Variants in HDLBP observed in about 807,000 individuals in gnomAD.
The protein encoded by HDLBP is vigilin.
Under a neutral mutation model 137.3 loss-of-function variants are expected in HDLBP, and 30 were observed. The ratio of observed to expected loss-of-function variants is 0.22; its 90% CI spans 0.16 to 0.30. HDLBP has a LOEUF of 0.30. Ranked by LOEUF, HDLBP falls within the 10% of genes least tolerant of loss-of-function variation. HDLBP has a pLI of 1.00. For synonymous variants in HDLBP, 606 were observed against 596.0 expected, an observed-to-expected ratio of 1.02 and a Z score of -0.24; for missense variants, 1,119 against 1,667.3, an observed-to-expected ratio of 0.67 and a Z score of 5.73.
chr2:241,282,268 T>C (rs142732477), intron 1 of HDLBP, among the ~76,000 whole-genome samples: 104 of 152,356 alleles, frequency 6.8e-4, no homozygotes, highest in Middle Eastern at 3.4e-3. Flanking sequence ...TCAATTTGTA[T>C]TTTAAAATGC....
intron 2 of HDLBP, chr2:241,267,464 G>A (rs553509493): frequency 1.2e-5 from 11 of 956,072 alleles, no homozygotes; most frequent in Admixed American, 4.0e-5. Flanking sequence ...CCGCAGGGGT[G>A]GGGGGACCAT....
At chr2:241,286,980 G>A (rs574417742) in intron 1 of HDLBP, among the ~76,000 whole-genome samples, 15 of 150,830 alleles carry the variant, frequency 9.9e-5, no homozygotes, top group Non-Finnish European at 2.2e-4. Flanking sequence ...GTAGAATCCA[G>A]CCAGTCCCAT....
chr2:241,255,624 G>A (rs765059569), intron 7 of HDLBP, 44 bp from the exon 8 acceptor site: 3 of 1,525,104 alleles, frequency 2.0e-6, no homozygotes, highest in South Asian at 2.2e-5. Context: ...GAAAGGTGTG[G>A]GAAGCGGGCA....
intron 9 of HDLBP, 31 bp from the exon 10 acceptor site, chr2:241,253,528 A>C: frequency 6.8e-7 from 1 of 1,468,822 alleles, no homozygotes; most frequent in Non-Finnish European, 9.5e-7. Flanking sequence ...AGATAGCTAA[A>C]ACAGAATGGC....
At chr2:241,295,703 T>C (rs1559551271) in intron 1 of HDLBP, among the ~76,000 whole-genome samples, 1 of 152,160 alleles carries the variant, frequency 6.6e-6, no homozygotes, top group African/African-American at 2.4e-5. Context: ...TCAGATGACA[T>C]TAAGTGAAAG....
At position 241,239,867 on chromosome 2, in the gene HDLBP, C is replaced by A. The variant is rs751190176; in HGVS notation, c.2391+34G>T. 6.2e-7 allele frequency: 1 copy of A among 1,612,212 alleles called. No homozygotes were observed. Among genetic ancestry groups the A allele is most frequent in the South Asian group, 1.1e-5 (1 of 91,060 alleles). On this transcript the variant is annotated intron_variant, in intron 18 of 27. Transcript: ENST00000310931. The surrounding 1 kb of genome is among the most constrained non-coding windows in gnomAD (Gnocchi z 4.6). ...GAAGATAAGCCACCCCATCACGGCCCCAGCAGAGTCGGCCGCCGAGGCCCG... is the reference window on the plus strand; with the variant it reads ...GAAGATAAGCCACCCCATCACGGCCACAGCAGAGTCGGCCGCCGAGGCCCG...
At chr2:241,250,128 T>C in intron 11 of HDLBP, 148 bp from the exon 12 acceptor site, 1 of 736,034 alleles carries the variant, frequency 1.4e-6, no homozygotes, top group South Asian at 2.0e-5. Context: ...CAAACAAAAA[T>C]CTCCATTGTC....
chr2:241,251,899 C>T (rs2072221959), intron 11 of HDLBP, among the ~76,000 whole-genome samples: 1 of 152,134 alleles, frequency 6.6e-6, no homozygotes, highest in South Asian at 2.1e-4. Context: ...ATCGCTTGAA[C>T]CTGGGAGGTG....
intron 1 of HDLBP, among the ~76,000 whole-genome samples, chr2:241,278,948 C>T (rs886294035): frequency 1.3e-5 from 2 of 152,118 alleles, no homozygotes; most frequent in Non-Finnish European, 2.9e-5. Context: ...TCGCTTGAAC[C>T]CAGGAGGCGG....
chr2:241,264,889 G>A (rs1441808725), intron 3 of HDLBP, among the ~76,000 whole-genome samples: 1 of 152,108 alleles, frequency 6.6e-6, no homozygotes, highest in African/African-American at 2.4e-5. Flanking sequence ...CATCAGCTCA[G>A]ACATTGTGAG....
chr2:241,241,900 C>T (rs1011365679), intron 17 of HDLBP, among the ~76,000 whole-genome samples: 2 of 152,218 alleles, frequency 1.3e-5, no homozygotes, highest in African/African-American at 4.8e-5. Flanking sequence ...CTTCAAATTT[C>T]ACACAATCCC....
intron 1 of HDLBP, among the ~76,000 whole-genome samples, chr2:241,303,383 C>T (rs953478440): frequency 1.1e-4 from 16 of 152,260 alleles, no homozygotes; most frequent in African/African-American, 2.9e-4. Flanking sequence ...TACAACAGGA[C>T]GCTGGAAGAC....
intron 27 of HDLBP, 29 bp downstream of exon 27, chr2:241,229,804 A>T: frequency 2.3e-6 from 1 of 437,868 alleles, no homozygotes; most frequent in Non-Finnish European, 4.4e-6. Context: ...CCTCCCTGGG[A>T]CCCAGGAGGG....
intron 1 of HDLBP, among the ~76,000 whole-genome samples, chr2:241,288,524 T>C (rs1178294992): frequency 6.6e-6 from 1 of 152,202 alleles, no homozygotes; most frequent in Non-Finnish European, 1.5e-5. Context: ...CACTGTGAAG[T>C]GTACTCTCCA....
chr2:241,278,833 T>C (rs988207959), intron 1 of HDLBP, among the ~76,000 whole-genome samples: 3 of 152,052 alleles, frequency 2.0e-5, no homozygotes, highest in African/African-American at 2.4e-5. Flanking sequence ...ACACAATCAA[T>C]TATGTTTCCA....
chr2:241,267,675 A>T (rs1379100449), intron 2 of HDLBP: 12 of 1,535,582 alleles, frequency 7.8e-6, no homozygotes, highest in East Asian at 2.4e-5. Flanking sequence ...ACCACCTCCA[A>T]ATCTCGACTT....
At chr2:241,254,978 C>G in intron 9 of HDLBP, 73 bp downstream of exon 9, 3 of 1,204,724 alleles carry the variant, frequency 2.5e-6, no homozygotes, top group East Asian at 4.7e-5. Context: ...CAAAGGTCAA[C>G]AAAGCAATAT....
intron 1 of HDLBP, among the ~76,000 whole-genome samples, chr2:241,310,388 C>G (rs539622162): frequency 6.6e-6 from 1 of 152,084 alleles, no homozygotes; most frequent in South Asian, 2.1e-4. Flanking sequence ...ATAATAATGT[C>G]GATTTCAAAA....
intron 1 of HDLBP, among the ~76,000 whole-genome samples, chr2:241,299,884 C>T (rs2075330179): frequency 6.6e-6 from 1 of 151,248 alleles, no homozygotes; most frequent in South Asian, 2.1e-4. Flanking sequence ...CACTGCACTC[C>T]AGCCTGGGGG....
Sources: gnomAD v4.1 joint callset for allele counts (sites outside exome capture counted in the v4.1 genomes callset) on GRCh38, gnomAD v4.1.1 for gene constraint, Gnocchi (gnomAD v3.1) non-coding constraint, MANE v1.5 for transcripts, NCBI Gene and HGNC (gene_info 2026-07-23, HGNC 2026-07-21) for gene names.